MARCHF11: variants seen among roughly 807,000 people sequenced by gnomAD.
MARCHF11 encodes the protein E3 ubiquitin-protein ligase MARCHF11.
MARCHF11 carries 29 observed loss-of-function variants against 37.3 expected under a neutral mutation model. That is an observed-to-expected ratio of 0.78 (90% confidence interval 0.58 to 1.06). The LOEUF is 1.06. Among genes scored for constraint, MARCHF11 ranks in the 50% least tolerant of loss-of-function variants. The pLI, the probability that MARCHF11 is intolerant of heterozygous loss-of-function variation, is 0.00. For synonymous variants in MARCHF11, 233 were observed against 228.0 expected, an observed-to-expected ratio of 1.02 and a Z score of -0.20; for missense variants, 482 against 533.4, an observed-to-expected ratio of 0.90 and a Z score of 0.95.
chr5:16,074,140 C>T (rs1318595937), intron 3 of MARCHF11, among the ~76,000 whole-genome samples: 6 of 152,200 alleles, frequency 3.9e-5, no homozygotes, highest in African/African-American at 1.2e-4. Context: ...AAATAACCTG[C>T]TCCTGAGCGA....
chr5:16,148,859 G>A (rs1459410201), intron 2 of MARCHF11, among the ~76,000 whole-genome samples: 1 of 152,128 alleles, frequency 6.6e-6, no homozygotes, highest in East Asian at 1.9e-4. Flanking sequence ...CTGCATTTAA[G>A]TTTACCAGGA....
intron 2 of MARCHF11, among the ~76,000 whole-genome samples, chr5:16,137,464 C>A (rs1017463689): frequency 1.3e-5 from 2 of 152,188 alleles, no homozygotes; most frequent in Admixed American, 1.3e-4. Flanking sequence ...ACTGTGAGTC[C>A]ATTAAACCTC....
intron 2 of MARCHF11, among the ~76,000 whole-genome samples, chr5:16,125,417 G>A (rs1029252573): frequency 5.3e-5 from 8 of 152,048 alleles, no homozygotes; most frequent in Non-Finnish European, 1.0e-4. Context: ...CTCTCTATGC[G>A]ATAAAGAGTC....
At chr5:16,161,455 A>G (rs912455121) in intron 2 of MARCHF11, among the ~76,000 whole-genome samples, 7 of 151,932 alleles carry the variant, frequency 4.6e-5, no homozygotes, top group Non-Finnish European at 7.4e-5. Flanking sequence ...GTTATGGATG[A>G]CATTTCCCAT....
chr5:16,108,500 A>G (rs1469582106), intron 2 of MARCHF11, among the ~76,000 whole-genome samples: 2 of 152,234 alleles, frequency 1.3e-5, no homozygotes, highest in Non-Finnish European at 2.9e-5. Flanking sequence ...GTGGGTACAG[A>G]ACTTGGAAGG....
chr5:16,068,442 C>T (rs1461731084), intron 3 of MARCHF11, among the ~76,000 whole-genome samples: 3 of 152,126 alleles, frequency 2.0e-5, no homozygotes, highest in Non-Finnish European at 2.9e-5. Flanking sequence ...GGAAACCAAG[C>T]CTTGGGGATG....
At chr5:16,102,445 C>T (rs568025667) in intron 2 of MARCHF11, among the ~76,000 whole-genome samples, 8 of 152,170 alleles carry the variant, frequency 5.3e-5, no homozygotes, top group Non-Finnish European at 7.4e-5. Context: ...TGTTCTACCA[C>T]GCCCTCTGTC....
At chr5:16,168,881 T>C (rs1034091571) in intron 2 of MARCHF11, among the ~76,000 whole-genome samples, 2 of 152,152 alleles carry the variant, frequency 1.3e-5, no homozygotes, top group South Asian at 2.1e-4. Flanking sequence ...GGCACTTGTA[T>C]ACATATTTAT....
chr5:16,143,817 C>T (rs969349089), intron 2 of MARCHF11, among the ~76,000 whole-genome samples: 1 of 152,188 alleles, frequency 6.6e-6, no homozygotes, highest in Non-Finnish European at 1.5e-5. Context: ...GGGTTACACC[C>T]CCAGAGAGAG....
chr5:16,106,541 C>A (rs952914623), intron 2 of MARCHF11, among the ~76,000 whole-genome samples: 1 of 152,152 alleles, frequency 6.6e-6, no homozygotes, highest in Non-Finnish European at 1.5e-5. Flanking sequence ...TGTTTTCTTT[C>A]TTTACATGAG....
chr5:16,078,682 C>A (rs1736559319), intron 3 of MARCHF11, among the ~76,000 whole-genome samples: 1 of 152,182 alleles, frequency 6.6e-6, no homozygotes, highest in Non-Finnish European at 1.5e-5. Context: ...TTCAGGTTTT[C>A]AGGTTAAGGG....
In MARCHF11 at chr5:16,116,524, C is replaced by T. The variant is rs1315028938; in HGVS notation, c.694-25443G>A. 1.3e-5 allele frequency among the ~76,000 whole-genome samples: 2 copies of T among 152,024 alleles called. 1 individual carries two copies. The highest frequency in any genetic ancestry group is 4.8e-5 in the African/African-American group (2 of 41,370). On this transcript the variant is annotated intron_variant, in intron 2 of 3. Coordinates refer to ENST00000332432, the MANE Select transcript of MARCHF11 (RefSeq NM_001102562.3). ...GTGATTTAGAAAATCGTTTCTGCTA[C>T]TATATGAACTTCTAAAAAAAGAAAT...
At chr5:16,105,341 T>C (rs2126566252) in intron 2 of MARCHF11, among the ~76,000 whole-genome samples, 1 of 152,352 alleles carries the variant, frequency 6.6e-6, no homozygotes, top group Non-Finnish European at 1.5e-5. Flanking sequence ...TTTTATCCTT[T>C]ACTTTGAATA....
chr5:16,072,510 C>CTGTG (rs34699021), intron 3 of MARCHF11, among the ~76,000 whole-genome samples: 6,724 of 146,664 alleles, frequency 0.046, 240 homozygotes, highest in African/African-American at 0.1. Flanking sequence ...CTCTCTCACT[C>CTGTG]TGTGTGTGTG....
At chr5:16,079,666 G>A (rs527377478) in intron 3 of MARCHF11, among the ~76,000 whole-genome samples, 1 of 152,164 alleles carries the variant, frequency 6.6e-6, no homozygotes, top group South Asian at 2.1e-4. Flanking sequence ...CCTCTCCCCA[G>A]GGCCCTCAGC....
intron 2 of MARCHF11, among the ~76,000 whole-genome samples, chr5:16,131,995 C>A (rs1426521073): frequency 6.6e-6 from 1 of 152,184 alleles, no homozygotes; most frequent in Non-Finnish European, 1.5e-5. Context: ...CCACTGACTG[C>A]AATCCATGAG....
intron 2 of MARCHF11, among the ~76,000 whole-genome samples, chr5:16,169,396 G>A (rs1738221282): frequency 6.6e-6 from 1 of 152,024 alleles, no homozygotes; most frequent in Non-Finnish European, 1.5e-5. Flanking sequence ...ATAAGGAAGG[G>A]ACATCCATTG....
intron 3 of MARCHF11, 62 bp from the exon 4 acceptor site, chr5:16,067,855 T>A: frequency 7.0e-7 from 1 of 1,428,534 alleles, no homozygotes; most frequent in Non-Finnish European, 9.4e-7. Context: ...GGGAGTGTTA[T>A]TTTGTATACA....
At chr5:16,067,848 A>C in intron 3 of MARCHF11, 55 bp from the exon 4 acceptor site, 1 of 1,484,934 alleles carries the variant, frequency 6.7e-7, no homozygotes, top group Non-Finnish European at 9.1e-7. Flanking sequence ...CAAGGCTGGG[A>C]GTGTTATTTT....
Sources: allele counts gnomAD v4.1 joint callset (sites outside exome capture counted in the v4.1 genomes callset), GRCh38; gene constraint gnomAD v4.1.1; transcripts MANE v1.5; gene names NCBI Gene and HGNC (gene_info 2026-07-23, HGNC 2026-07-21).